TAFA1: variants seen among roughly 807,000 people sequenced by gnomAD.
TAFA1 encodes chemokine-like protein TAFA-1.
Under a neutral mutation model 18.5 loss-of-function variants are expected in TAFA1, and 4 were observed. The observed-to-expected ratio is 0.22, with a 90% confidence interval of 0.11 to 0.49. TAFA1 has a LOEUF of 0.49. TAFA1 is among the 20% of genes least tolerant of loss of function. TAFA1 has a pLI of 0.98. For synonymous variants in TAFA1, 56 were observed against 55.2 expected (o/e 1.01, Z -0.06); for missense variants, 147 against 169.0 (o/e 0.87, Z 0.72).
intron 2 of TAFA1, among the ~76,000 whole-genome samples, chr3:68,259,072 C>T (rs1352851): frequency 0.26 from 40,226 of 152,088 alleles, 5,406 homozygotes; most frequent in East Asian, 0.34. Context: ...ACCACAGATG[C>T]TGACTCAGTG....
chr3:68,392,535 C>T (rs2070283180), intron 2 of TAFA1, among the ~76,000 whole-genome samples: 1 of 152,142 alleles, frequency 6.6e-6, no homozygotes, highest in Non-Finnish European at 1.5e-5. Flanking sequence ...CAGAACCCTC[C>T]ATCTCAAATC....
intron 2 of TAFA1, among the ~76,000 whole-genome samples, chr3:68,211,086 G>A (rs2066591132): frequency 1.3e-5 from 2 of 152,040 alleles, no homozygotes; most frequent in African/African-American, 2.4e-5. Context: ...CCTCCCCCAA[G>A]CGAGTGATCC....
chr3:68,396,630 A>G (rs942756571), intron 2 of TAFA1, among the ~76,000 whole-genome samples: 1 of 152,190 alleles, frequency 6.6e-6, no homozygotes, highest in Non-Finnish European at 1.5e-5. Flanking sequence ...CATCACAGTT[A>G]CTTTCAATTT....
chr3:68,125,988 C>A (rs1049381953), intron 2 of TAFA1, among the ~76,000 whole-genome samples: 1 of 152,074 alleles, frequency 6.6e-6, no homozygotes, highest in Admixed American at 6.5e-5. Flanking sequence ...TTCTCAGGAA[C>A]CCCTGACGCC....
At chr3:68,288,118 C>T (rs1303244376) in intron 2 of TAFA1, among the ~76,000 whole-genome samples, 1 of 152,088 alleles carries the variant, frequency 6.6e-6, no homozygotes, top group Non-Finnish European at 1.5e-5. Flanking sequence ...GTGATCTCCC[C>T]TCTCTTTTCA....
At position 68,059,370 on chromosome 3, in the gene TAFA1, G is replaced by A. The variant is rs150992629; in HGVS notation, c.118+52626G>A. On this transcript the variant is annotated intron_variant, in intron 2 of 4. Transcript: ENST00000478136. Reference sequence around the variant, plus strand: ...TTCTATTATTTGAATGCGTAGATGAGGAAACTGAGACAGAAAGGCTAAGTA... The same window carrying A: ...TTCTATTATTTGAATGCGTAGATGAAGAAACTGAGACAGAAAGGCTAAGTA... 1.5e-3 allele frequency among the ~76,000 whole-genome samples: 234 copies of A among 152,240 alleles called. 3 individuals are homozygous for A. The highest frequency in any genetic ancestry group is 5.5e-3 in the African/African-American group (227 of 41,526).
chr3:68,507,406 T>C (rs74280256), intron 3 of TAFA1, among the ~76,000 whole-genome samples: 2 of 152,110 alleles, frequency 1.3e-5, no homozygotes, highest in East Asian at 1.9e-4. Flanking sequence ...AAATGAAATA[T>C]ATTATTATGC....
At chr3:68,144,404 C>CCAT (rs1157779173) in intron 2 of TAFA1, among the ~76,000 whole-genome samples, 1 of 152,130 alleles carries the variant, frequency 6.6e-6, no homozygotes, top group African/African-American at 2.4e-5. Context: ...AATCTTATGA[C>CCAT]CATCACTTCC....
chr3:68,287,905 G>GT (rs755074614), intron 2 of TAFA1, among the ~76,000 whole-genome samples: 1 of 102,774 alleles, frequency 9.7e-6, no homozygotes, highest in Non-Finnish European at 2.0e-5. Context: ...TTTTGTTTTT[G>GT]TTGGGGGGTG....
intron 3 of TAFA1, among the ~76,000 whole-genome samples, chr3:68,471,550 G>A (rs1358558188): frequency 2.6e-5 from 4 of 152,116 alleles, no homozygotes; most frequent in Non-Finnish European, 5.9e-5. Flanking sequence ...CTTGGAGTCC[G>A]ACGTTCAAGG....
intron 2 of TAFA1, among the ~76,000 whole-genome samples, chr3:68,023,513 G>C (rs1191700893): frequency 6.6e-6 from 1 of 152,156 alleles, no homozygotes; most frequent in Non-Finnish European, 1.5e-5. Context: ...CTGGAAGGCA[G>C]ACAGCAAGAG....
chr3:68,478,916 G>GTATA (rs71112646), intron 3 of TAFA1, among the ~76,000 whole-genome samples: 29,191 of 146,468 alleles, frequency 0.2, 3,083 homozygotes, highest in Non-Finnish European at 0.24. Context: ...GTATATGTGT[G>GTATA]TATATATATA....
chr3:68,467,955 A>G (rs1257315241), intron 3 of TAFA1, among the ~76,000 whole-genome samples: 3 of 152,222 alleles, frequency 2.0e-5, no homozygotes, highest in African/African-American at 7.2e-5. Context: ...AGTTGTGAAC[A>G]TTATAGTAAA....
At chr3:68,312,363 A>T (rs1192842444) in intron 2 of TAFA1, among the ~76,000 whole-genome samples, 1 of 152,122 alleles carries the variant, frequency 6.6e-6, no homozygotes, top group Non-Finnish European at 1.5e-5. Flanking sequence ...ACAGACTGTA[A>T]ATTTTCTGAA....
chr3:68,115,911 G>T (rs1030431260), intron 2 of TAFA1, among the ~76,000 whole-genome samples: 2 of 152,098 alleles, frequency 1.3e-5, no homozygotes, highest in Admixed American at 1.3e-4. Context: ...AATAAAATTT[G>T]GGGATGAACC....
intron 2 of TAFA1, among the ~76,000 whole-genome samples, chr3:68,334,303 C>T (rs1447513087): frequency 6.6e-6 from 1 of 152,128 alleles, no homozygotes; most frequent in Non-Finnish European, 1.5e-5. Context: ...GAACAGAGAA[C>T]ATTCATTCTA....
chr3:68,133,450 C>G (rs2065567831), intron 2 of TAFA1, among the ~76,000 whole-genome samples: 1 of 152,094 alleles, frequency 6.6e-6, no homozygotes, highest in Non-Finnish European at 1.5e-5. Flanking sequence ...CTGTACATTA[C>G]TTTGGGCAGT....
intron 2 of TAFA1, among the ~76,000 whole-genome samples, chr3:68,175,091 A>C (rs1438314562): frequency 1.3e-5 from 2 of 152,240 alleles, no homozygotes; most frequent in African/African-American, 4.8e-5. Flanking sequence ...AAGTGTACAG[A>C]AATCAAGAAT....
intron 2 of TAFA1, among the ~76,000 whole-genome samples, chr3:68,382,435 A>G (rs939147062): frequency 2.0e-5 from 3 of 152,076 alleles, no homozygotes; most frequent in Non-Finnish European, 4.4e-5. Flanking sequence ...TCTTCTGCTT[A>G]TGGTTAGCCA....
Sources: allele counts gnomAD v4.1 joint callset (sites outside exome capture counted in the v4.1 genomes callset), GRCh38; gene constraint gnomAD v4.1.1; transcripts MANE v1.5; gene names NCBI Gene and HGNC (gene_info 2026-07-23, HGNC 2026-07-21).